Variants in FAM135B observed in about 807,000 individuals in gnomAD.
FAM135B encodes the protein protein FAM135B.
Under a neutral mutation model 127.7 loss-of-function variants are expected in FAM135B, and 43 were observed. The observed-to-expected ratio is 0.34, with a 90% confidence interval of 0.26 to 0.43. FAM135B has a LOEUF of 0.43. FAM135B is among the 20% of genes least tolerant of loss of function. The pLI, the probability that FAM135B is intolerant of heterozygous loss-of-function variation, is 1.00. For missense variants in FAM135B, 1,558 were observed against 1,725.6 expected, an observed-to-expected ratio of 0.90 and a Z score of 1.72; for synonymous variants, 670 against 665.1, an observed-to-expected ratio of 1.01 and a Z score of -0.11.
At chr8:138,303,928 G>A (rs1826058678) in intron 3 of FAM135B, among the ~76,000 whole-genome samples, 3 of 152,216 alleles carry the variant, frequency 2.0e-5, no homozygotes, top group Admixed American at 2.0e-4. Context: ...GAACCTGGGT[G>A]GACTCAGGTT....
At chr8:138,351,444 A>T (rs1829776528) in intron 2 of FAM135B, among the ~76,000 whole-genome samples, 1 of 152,150 alleles carries the variant, frequency 6.6e-6, no homozygotes, top group South Asian at 2.1e-4. Flanking sequence ...ATGCACTGAA[A>T]AGCCAAGGCA....
At position 138,153,025 on chromosome 8, in the gene FAM135B, C is replaced by T. The variant is rs2130789052; in HGVS notation, c.1450G>A (p.Glu484Lys). Residue 484 changes from glutamate to lysine, a missense_variant, in exon 13 of 20, where the codon GAG (glutamate) becomes AAG (lysine). Around this residue, in one of 5 missense-constraint regions of FAM135B, gnomAD observed 923 missense variants for 865.3 expected, o/e 1.07. Transcript: ENST00000395297. ...ATATGATTTTGTGTGGCCACATTCT[C>T]ACCTGGCTCTGGACACCTTATAACT... is the stretch of plus-strand genomic sequence containing the variant. ...EEVIRCPEPG[E>K]NVATQNHMDM... is the part of the protein sequence containing the mutation. The T allele has an allele frequency of 6.2e-7, 1 of 1,614,188 alleles. No homozygotes were observed. Among genetic ancestry groups the T allele is most frequent in the African/African-American group, 1.3e-5 (1 of 75,046 alleles).
At chr8:138,428,481 G>A (rs956142237) in intron 1 of FAM135B, among the ~76,000 whole-genome samples, 8 of 152,034 alleles carry the variant, frequency 5.3e-5, no homozygotes, top group African/African-American at 1.9e-4. Flanking sequence ...CAGTGCCTAG[G>A]CCATTGTCTC....
In FAM135B at chr8:138,496,914, G is replaced by A. The variant is rs1815420168; in HGVS notation, c.-263C>T. Reference sequence around the variant, plus strand: ...TGCTGATGCGGTTGCTATGGTTATGGAACCCCGCAACTGCCCCCCTCTCCG... The same window carrying A: ...TGCTGATGCGGTTGCTATGGTTATGAAACCCCGCAACTGCCCCCCTCTCCG... On this transcript the variant is annotated 5_prime_UTR_variant, in exon 1 of 20. Coordinates refer to ENST00000395297, the MANE Select transcript of FAM135B (RefSeq NM_015912.4). 1 of 151,978 alleles carries A rather than the reference G, an allele frequency of 6.6e-6. No homozygotes were observed. The highest frequency in any genetic ancestry group is 2.1e-4 in the South Asian group (1 of 4,814). The allele number at this position is 151,978 out of a possible 1,614,324, so 9.4% of individuals were successfully genotyped here.
chr8:138,268,469 C>T (rs889132289), intron 3 of FAM135B, among the ~76,000 whole-genome samples: 17 of 151,896 alleles, frequency 1.1e-4, no homozygotes, highest in Non-Finnish European at 2.5e-4. Context: ...CTTTCTGGGT[C>T]AACTCCTCAC....
chr8:138,466,939 T>C (rs958555260), intron 1 of FAM135B, among the ~76,000 whole-genome samples: 2 of 152,246 alleles, frequency 1.3e-5, no homozygotes, highest in South Asian at 2.1e-4. Context: ...TATGAACACA[T>C]AGAAATATGG....
intron 7 of FAM135B, among the ~76,000 whole-genome samples, chr8:138,232,710 C>G (rs987607125): frequency 6.6e-5 from 10 of 152,102 alleles, no homozygotes; most frequent in African/African-American, 2.2e-4. Flanking sequence ...AGTTTTTTAA[C>G]TATAAAACTT....
intron 1 of FAM135B, among the ~76,000 whole-genome samples, chr8:138,423,064 C>T (rs1041110901): frequency 6.6e-6 from 1 of 152,058 alleles, no homozygotes; most frequent in Admixed American, 6.6e-5. Context: ...GAGTTAAACA[C>T]TGAGTACACA....
chr8:138,378,430 C>T (rs1004239790), intron 1 of FAM135B, among the ~76,000 whole-genome samples: 1 of 152,166 alleles, frequency 6.6e-6, no homozygotes, highest in Non-Finnish European at 1.5e-5. Flanking sequence ...GCTTTGGAGT[C>T]TGGCATATGA....
chr8:138,143,555 G>A (rs1412221684), intron 15 of FAM135B, among the ~76,000 whole-genome samples: 1 of 152,186 alleles, frequency 6.6e-6, no homozygotes, highest in African/African-American at 2.4e-5. Context: ...TATGCAGTCA[G>A]CTTTGGGAAG....
At chr8:138,315,937 G>A (rs936623467) in intron 2 of FAM135B, among the ~76,000 whole-genome samples, 2 of 152,156 alleles carry the variant, frequency 1.3e-5, no homozygotes, top group Non-Finnish European at 1.5e-5. Context: ...TAAGTTTAGA[G>A]ATCTAATGTA....
chr8:138,311,007 A>G, intron 2 of FAM135B, 87 bp from the exon 3 acceptor site: 1 of 988,352 alleles, frequency 1.0e-6, no homozygotes. Context: ...CCTGAAAGCC[A>G]TAGGAAATCA....
intron 2 of FAM135B, among the ~76,000 whole-genome samples, chr8:138,314,893 A>T (rs1826964815): frequency 6.6e-6 from 1 of 150,384 alleles, no homozygotes; most frequent in Non-Finnish European, 1.5e-5. Flanking sequence ...AAAAAAAAAA[A>T]AAAAAAAAAT....
rs536760200 is a variant in FAM135B at position 138,380,320 on chromosome 8, CT to C, written c.-19-12319del. Among the ~76,000 whole-genome samples, 631 of 152,224 alleles carry C rather than the reference CT, an allele frequency of 4.1e-3. 6 individuals carry two copies. The highest frequency in any genetic ancestry group is 0.015 in the African/African-American group (610 of 41,534). ...TTAAGCGATTCTCCTGCCTCAGCCT[CT>C]GAGTAACTGGGATTACAGGTGCCTG... On this transcript the variant is annotated intron_variant, in intron 1 of 19. Coordinates refer to ENST00000395297, the MANE Select transcript of FAM135B (RefSeq NM_015912.4).
chr8:138,332,133 C>T lies in FAM135B; in HGVS notation c.78-21213G>A, dbSNP rs763608440. ...GAGTCCAAGGCTTAGGATAGTACATCCCCTGGAGACCAGAGGATACTTCAT... is the reference window on the plus strand; with the variant it reads ...GAGTCCAAGGCTTAGGATAGTACATTCCCTGGAGACCAGAGGATACTTCAT... On this transcript the variant is annotated intron_variant, in intron 2 of 19. Transcript: ENST00000395297. Among the ~76,000 whole-genome samples, 3 of 152,252 alleles carry T rather than the reference C, an allele frequency of 2.0e-5. No individual in the cohort carries two copies. The East Asian group carries it at 5.8e-4, about 29-fold the overall frequency.
At chr8:138,484,457 T>G (rs916579990) in intron 1 of FAM135B, among the ~76,000 whole-genome samples, 1 of 152,160 alleles carries the variant, frequency 6.6e-6, no homozygotes, top group Non-Finnish European at 1.5e-5. Context: ...TCAAACAAAT[T>G]TGGGGATCAG....
In FAM135B at chr8:138,242,701, C is replaced by T. The variant is rs1246430867; in HGVS notation, c.669+241G>A. ...AGAACCATATTCTTCCAAGAGACCA[C>T]ATATAACAAGTATCATATGAAGACC... On this transcript the variant is annotated intron_variant, in intron 7 of 19. Transcript: ENST00000395297. This position sits in a 1 kb window ranked among gnomAD's most constrained non-coding sequence, Gnocchi z 9.6. Among the ~76,000 whole-genome samples, 1 of 152,168 alleles carries T rather than the reference C, an allele frequency of 6.6e-6. No individual in the cohort carries two copies. The highest frequency in any genetic ancestry group is 2.4e-5 in the African/African-American group (1 of 41,446).
chr8:138,206,269 C>T (rs1416573255), intron 7 of FAM135B, among the ~76,000 whole-genome samples: 4 of 151,808 alleles, frequency 2.6e-5, no homozygotes, highest in South Asian at 2.1e-4. Context: ...ACAGCTCTAT[C>T]ATCCCCTCCA....
chr8:138,134,289 T>C (rs1816448071), intron 19 of FAM135B, among the ~76,000 whole-genome samples: 1 of 152,176 alleles, frequency 6.6e-6, no homozygotes, highest in East Asian at 1.9e-4. Context: ...GAATAATGAA[T>C]AAATGTTGCC....
Sources: gnomAD v4.1 joint callset for allele counts (sites outside exome capture counted in the v4.1 genomes callset) on GRCh38, gnomAD v4.1.1 for gene constraint, gnomAD v4.1.1 regional missense constraint, Gnocchi (gnomAD v3.1) non-coding constraint, MANE v1.5 for transcripts, NCBI Gene and HGNC (gene_info 2026-07-23, HGNC 2026-07-21) for gene names.